VNN2: variants seen among roughly 807,000 people sequenced by gnomAD.
VNN2 encodes pantetheine hydrolase VNN2.
Under a neutral mutation model 43.0 loss-of-function variants are expected in VNN2, and 43 were observed. The observed-to-expected ratio is 1.00, with a 90% confidence interval of 0.78 to 1.29. The LOEUF (loss-of-function observed/expected upper bound fraction) is 1.29. Among genes scored for constraint, VNN2 ranks in the 50% most tolerant of loss-of-function variants. The pLI is 0.00. For missense variants in VNN2, 652 were observed against 619.7 expected (o/e 1.05, Z -0.55); for synonymous variants, 230 against 224.3 (o/e 1.03, Z -0.23).
Position 132,744,127 on chromosome 6 carries a change from A to AG in VNN2, c.*172_*173insC. The AG allele has an allele frequency of 1.8e-6, 1 of 544,632 alleles. No individual in the cohort carries two copies. The highest frequency in any genetic ancestry group is 3.0e-6 in the Non-Finnish European group (1 of 337,158). The allele number at this position is 544,632 out of a possible 1,614,324, so 33.7% of individuals were successfully genotyped here. ...GCAACATTTCAGAGTAGCCAAAAAA[A>AG]TGGACAACATTATCATAATACTTAA... On this transcript the variant is annotated 3_prime_UTR_variant, in exon 7 of 7. Coordinates refer to ENST00000326499, the MANE Select transcript of VNN2 (RefSeq NM_004665.6).
chr6:132,751,107 C>A lies in VNN2; in HGVS notation c.1200+38G>T, dbSNP rs777353489. ...TATAAAAAGTTAACCTGGAATTTAC[C>A]TTTCACTTGAATGCCCTTTCATTTG... is the stretch of plus-strand genomic sequence containing the variant. On this transcript the variant is annotated intron_variant, in intron 5 of 6. Coordinates refer to ENST00000326499, the MANE Select transcript of VNN2 (RefSeq NM_004665.6). The A allele has an allele frequency of 7.8e-6, 12 of 1,535,938 alleles. No individual in the cohort carries two copies. The East Asian group carries it at 2.0e-4, about 26-fold the overall frequency.
upstream of VNN2, among the ~76,000 whole-genome samples, chr6:132,760,151 T>G (rs1780706237): frequency 6.6e-6 from 1 of 152,092 alleles, no homozygotes; most frequent in East Asian, 1.9e-4. Flanking sequence ...GTCTGAACAC[T>G]CGTGTCTTTT....
chr6:132,752,446 C>G lies in VNN2; in HGVS notation c.826+15G>C. On this transcript the variant is annotated intron_variant, in intron 4 of 6. Coordinates refer to ENST00000326499, the MANE Select transcript of VNN2 (RefSeq NM_004665.6). Reference sequence around the variant, plus strand: ...TTAAAAATATAAGATGAAACCTAACCTGGTCATGAATTACCTGTCATATTT... The same window carrying G: ...TTAAAAATATAAGATGAAACCTAACGTGGTCATGAATTACCTGTCATATTT... 4 of 1,603,848 alleles carry G rather than the reference C, an allele frequency of 2.5e-6. No individual in the cohort carries two copies. Among genetic ancestry groups the G allele is most frequent in the Non-Finnish European group, 3.4e-6 (4 of 1,174,364 alleles).
chr6:132,763,267 T>C (rs1780781717), intron 1 of VNN2: 1 of 143,848 alleles, frequency 7.0e-6, no homozygotes, highest in South Asian at 2.1e-4. Context: ...AAAGTTTATG[T>C]CTTATTGATC....
At chr6:132,762,400 G>A (rs56078645), upstream of VNN2, among the ~76,000 whole-genome samples, 3,619 of 152,254 alleles carry the variant, frequency 0.024, 158 homozygotes, top group African/African-American at 0.082. Context: ...GCAACAATAG[G>A]CAGAAAAGCC....
In VNN2 at chr6:132,744,436, G is replaced by A; in HGVS notation, c.1427C>T (p.Thr476Ile). ...NKNGSSGPIL[T>I]VSLFGRWYTK... ...GTACCACCTCCCAAAGAGTGACACT[G>A]TTAGTATAGGCCCAGATGATCCATT... is the stretch of plus-strand genomic sequence containing the variant. Residue 476 changes from threonine (T) to isoleucine (I), a missense_variant, in exon 7 of 7, where the codon ACA becomes ATA. By Grantham distance (89) the Thr-to-Ile change is moderately conservative (BLOSUM62 -1). Transcript: ENST00000326499. 1 of 1,613,180 alleles carries A rather than the reference G, an allele frequency of 6.2e-7. No homozygotes were observed. The highest frequency in any genetic ancestry group is 8.5e-7 in the Non-Finnish European group (1 of 1,179,678).
upstream of VNN2, among the ~76,000 whole-genome samples, chr6:132,762,652 G>C (rs9493434): frequency 0.095 from 14,506 of 152,086 alleles, 1,591 homozygotes; most frequent in African/African-American, 0.27. Flanking sequence ...TAATCTTCCA[G>C]CTTTAGAGTT....
At chr6:132,755,794 T>C (rs1780426651) in intron 3 of VNN2, 49 bp downstream of exon 3, 1 of 1,533,548 alleles carries the variant, frequency 6.5e-7, no homozygotes, top group Non-Finnish European at 8.9e-7. Context: ...AACCCAGCAT[T>C]GACCACTCAC....
At chr6:132,749,356 G>T (rs1413238631) in intron 6 of VNN2, among the ~76,000 whole-genome samples, 1 of 152,180 alleles carries the variant, frequency 6.6e-6, no homozygotes, top group African/African-American at 2.4e-5. Flanking sequence ...ATGTGAACAA[G>T]CTCAGGTTTG....
At chr6:132,747,099 T>C (rs1002221195) in intron 6 of VNN2, among the ~76,000 whole-genome samples, 1 of 152,150 alleles carries the variant, frequency 6.6e-6, no homozygotes, top group Non-Finnish European at 1.5e-5. Flanking sequence ...CAAATAATGA[T>C]TACAGGTGCC....
At chr6:132,758,879 C>T (rs2179535), upstream of VNN2, among the ~76,000 whole-genome samples, 5,178 of 151,422 alleles carry the variant, frequency 0.034, 316 homozygotes, top group African/African-American at 0.12. Context: ...GGAATCTCAG[C>T]TCAGGGGCCC....
chr6:132,752,978 CCT>C (rs1780220616), intron 3 of VNN2: 4 of 469,526 alleles, frequency 8.5e-6, no homozygotes, highest in South Asian at 3.6e-5. Flanking sequence ...TCTCTCTTTC[CCT>C]CTCTCTCAGT....
upstream of VNN2, chr6:132,760,821 G>A (rs1379394309): frequency 6.6e-6 from 1 of 152,158 alleles, no homozygotes; most frequent in African/African-American, 2.4e-5. Flanking sequence ...AGATAGAAAT[G>A]ATGTTGATCA....
intron 1 of VNN2, 34 bp from the exon 2 acceptor site, chr6:132,757,580 C>T: frequency 1.2e-6 from 2 of 1,609,998 alleles, no homozygotes; most frequent in Non-Finnish European, 1.7e-6. Context: ...AATGATTTTT[C>T]CATGTACAAC....
intron 3 of VNN2, 83 bp from the exon 4 acceptor site, chr6:132,752,832 G>A: frequency 6.8e-7 from 1 of 1,474,284 alleles, no homozygotes; most frequent in Non-Finnish European, 9.1e-7. Flanking sequence ...GTTGGTAACA[G>A]ATTTGGCTAT....
upstream of VNN2, among the ~76,000 whole-genome samples, chr6:132,758,331 C>G (rs371838037): frequency 3.0e-4 from 45 of 152,234 alleles, no homozygotes; most frequent in South Asian, 8.9e-3. Context: ...GCGTGAGCCA[C>G]TGCACTTGGC....
At chr6:132,749,579 T>C (rs1330140817) in intron 6 of VNN2, 116 bp downstream of exon 6, 1 of 1,080,710 alleles carries the variant, frequency 9.3e-7, no homozygotes, top group Non-Finnish European at 1.3e-6. Context: ...GCTAAAGAAA[T>C]GGTTTTGAGG....
At chr6:132,759,846 TA>T (rs1562255818), upstream of VNN2, among the ~76,000 whole-genome samples, 2 of 152,214 alleles carry the variant, frequency 1.3e-5, no homozygotes, top group East Asian at 3.8e-4. Context: ...AAGGGATAGA[TA>T]TTTTTATGAA....
chr6:132,755,258 A>C (rs1321845131), intron 3 of VNN2, among the ~76,000 whole-genome samples: 1 of 151,138 alleles, frequency 6.6e-6, no homozygotes, highest in African/African-American at 2.4e-5. Flanking sequence ...TTATATGTGC[A>C]AAAAGTTTAT....
Sources: allele counts gnomAD v4.1 joint callset (sites outside exome capture counted in the v4.1 genomes callset), GRCh38; gene constraint gnomAD v4.1.1; transcripts MANE v1.5; gene names NCBI Gene and HGNC (gene_info 2026-07-23, HGNC 2026-07-21).